CDH12: variants seen among roughly 807,000 people sequenced by gnomAD.
CDH12 encodes the protein cadherin-12.
A neutral mutation model predicts 74.1 loss-of-function variants in CDH12; 41 were observed. The ratio of observed to expected loss-of-function variants is 0.55; its 90% CI spans 0.43 to 0.72. The LOEUF (loss-of-function observed/expected upper bound fraction) is 0.72. Ranked by LOEUF, CDH12 falls within the 30% of genes least tolerant of loss-of-function variation. The probability of loss-of-function intolerance (pLI) is 0.00; values close to 1 mark genes in which losing one functional copy is unlikely to be tolerated. For missense variants in CDH12, 945 were observed against 977.2 expected, an observed-to-expected ratio of 0.97 and a Z score of 0.44; for synonymous variants, 399 against 355.0, an observed-to-expected ratio of 1.12 and a Z score of -1.39.
intron 1 of CDH12, among the ~76,000 whole-genome samples, chr5:22,630,450 T>G (rs1460036928): frequency 6.6e-6 from 1 of 152,146 alleles, no homozygotes; most frequent in East Asian, 1.9e-4. Flanking sequence ...AACAGTCATA[T>G]AGACCCACGG....
chr5:22,054,609 G>A (rs1288979944), intron 5 of CDH12, among the ~76,000 whole-genome samples: 1 of 152,010 alleles, frequency 6.6e-6, no homozygotes, highest in East Asian at 1.9e-4. Flanking sequence ...TATATTGACT[G>A]TTAAAATTAG....
At chr5:22,215,859 G>A (rs1267325236) in intron 3 of CDH12, among the ~76,000 whole-genome samples, 1 of 151,998 alleles carries the variant, frequency 6.6e-6, no homozygotes, top group Non-Finnish European at 1.5e-5. Context: ...TTACAGAGAA[G>A]CATTGTGACC....
intron 3 of CDH12, among the ~76,000 whole-genome samples, chr5:22,267,029 G>A (rs1438239164): frequency 6.6e-6 from 1 of 152,012 alleles, no homozygotes; most frequent in Non-Finnish European, 1.5e-5. Context: ...GTACATTTTT[G>A]AAGCTTCTCA....
chr5:21,923,307 C>G (rs1398522343), intron 6 of CDH12, among the ~76,000 whole-genome samples: 2 of 152,082 alleles, frequency 1.3e-5, no homozygotes, highest in East Asian at 3.9e-4. Context: ...TGTATAAACA[C>G]ATGAACAAGT....
chr5:22,570,046 TATTTA>T (rs1453834085), intron 1 of CDH12, among the ~76,000 whole-genome samples: 2 of 151,272 alleles, frequency 1.3e-5, no homozygotes, highest in Non-Finnish European at 2.9e-5. Context: ...TTTATTTATT[TATTTA>T]TTTATTTATT....
intron 2 of CDH12, among the ~76,000 whole-genome samples, chr5:22,425,568 G>A (rs866357862): frequency 1.4e-4 from 21 of 151,912 alleles, no homozygotes; most frequent in African/African-American, 4.8e-4. Context: ...AATATAGTTC[G>A]TCAGTTTTCT....
intron 6 of CDH12, among the ~76,000 whole-genome samples, chr5:21,970,388 T>C (rs114024056): frequency 2.6e-5 from 4 of 152,264 alleles, no homozygotes; most frequent in African/African-American, 9.6e-5. Context: ...ATATCTAGTT[T>C]TTTATGTTTC....
At chr5:22,400,946 A>C (rs1177107404) in intron 3 of CDH12, among the ~76,000 whole-genome samples, 1 of 152,132 alleles carries the variant, frequency 6.6e-6, no homozygotes, top group African/African-American at 2.4e-5. Flanking sequence ...GATTGATATA[A>C]ATGTAAGACA....
intron 1 of CDH12, among the ~76,000 whole-genome samples, chr5:22,523,853 G>A (rs1737153078): frequency 6.6e-6 from 1 of 152,016 alleles, no homozygotes; most frequent in South Asian, 2.1e-4. Context: ...AAGACTCTAG[G>A]TACTGGATTT....
At chr5:22,290,856 G>T (rs1737356659) in intron 3 of CDH12, among the ~76,000 whole-genome samples, 1 of 152,090 alleles carries the variant, frequency 6.6e-6, no homozygotes, top group Non-Finnish European at 1.5e-5. Flanking sequence ...AACTAAAGCG[G>T]TAATAAAAAG....
intron 6 of CDH12, among the ~76,000 whole-genome samples, chr5:21,918,969 A>C (rs1754231091): frequency 1.3e-5 from 2 of 152,186 alleles, no homozygotes; most frequent in African/African-American, 4.8e-5. Flanking sequence ...CATCTAAATT[A>C]GATGCTTGAA....
chr5:22,706,563 C>A, intron 1 of CDH12, among the ~76,000 whole-genome samples: 1 of 151,626 alleles, frequency 6.6e-6, no homozygotes, highest in East Asian at 1.9e-4. Context: ...CTTAAATTCT[C>A]CTGGGCATTT....
intron 1 of CDH12, among the ~76,000 whole-genome samples, chr5:22,804,783 T>C (rs1748701478): frequency 6.6e-6 from 1 of 152,190 alleles, no homozygotes; most frequent in African/African-American, 2.4e-5. Flanking sequence ...TAGTACAACC[T>C]AGACAAGTTG....
At chr5:21,893,747 T>C (rs773603312) in intron 6 of CDH12, among the ~76,000 whole-genome samples, 1 of 152,202 alleles carries the variant, frequency 6.6e-6, no homozygotes, top group South Asian at 2.1e-4. Context: ...GAATGAATCA[T>C]GTCATTCTTC....
intron 2 of CDH12, among the ~76,000 whole-genome samples, chr5:22,440,520 T>A (rs1744583317): frequency 6.6e-6 from 1 of 152,128 alleles, no homozygotes; most frequent in Non-Finnish European, 1.5e-5. Flanking sequence ...ACAAATTTAT[T>A]ATCTTGTAGT....
At chr5:22,291,971 G>T (rs1737405643) in intron 3 of CDH12, among the ~76,000 whole-genome samples, 1 of 152,048 alleles carries the variant, frequency 6.6e-6, no homozygotes, top group Admixed American at 6.5e-5. Flanking sequence ...AGCTACTGTT[G>T]TAAACAAAAC....
chr5:22,773,850 G>A (rs1596176), intron 1 of CDH12, among the ~76,000 whole-genome samples: 72,621 of 151,890 alleles, frequency 0.48, 17,478 homozygotes, highest in East Asian at 0.56. Context: ...ACACTTCTTG[G>A]AAGAAGATAT....
At chr5:22,262,665 G>C (rs1402902114) in intron 3 of CDH12, among the ~76,000 whole-genome samples, 2 of 149,592 alleles carry the variant, frequency 1.3e-5, no homozygotes, top group African/African-American at 4.9e-5. Context: ...GGTATTTCTA[G>C]TTCTAGATCC....
At position 22,698,236 on chromosome 5, in the gene CDH12, C is replaced by T. The variant is rs547986048; in HGVS notation, c.-523+154822G>A. 4.1e-5 allele frequency among the ~76,000 whole-genome samples: 6 copies of T among 147,994 alleles called. No individual in the cohort carries two copies. In the South Asian group the frequency reaches 1.3e-3, roughly 32 times the overall value. Reference sequence around the variant, plus strand: ...TCCTGGGTTCAAGCAATTCTCCTGCCTCAGCCTCCCAAGTAGCTGGGATTA... The same window carrying T: ...TCCTGGGTTCAAGCAATTCTCCTGCTTCAGCCTCCCAAGTAGCTGGGATTA... On this transcript the variant is annotated intron_variant, in intron 1 of 14. Transcript: ENST00000382254.
Sources: gnomAD v4.1 joint callset for allele counts (sites outside exome capture counted in the v4.1 genomes callset) on GRCh38, gnomAD v4.1.1 for gene constraint, MANE v1.5 for transcripts, NCBI Gene and HGNC (gene_info 2026-07-23, HGNC 2026-07-21) for gene names.